PTPRD: variants seen among roughly 807,000 people sequenced by gnomAD.
PTPRD encodes the protein protein tyrosine phosphatase receptor type D.
Under a neutral mutation model 214.5 loss-of-function variants are expected in PTPRD, and 34 were observed. That is an observed-to-expected ratio of 0.16 (90% CI 0.12 to 0.21). The LOEUF is 0.21. Among genes scored for constraint, PTPRD ranks in the 10% least tolerant of loss-of-function variants. The pLI is 1.00. For missense variants in PTPRD, 2,545 were observed against 2,398.7 expected, an observed-to-expected ratio of 1.06 and a Z score of -1.27; for synonymous variants, 1,128 against 845.7, an observed-to-expected ratio of 1.33 and a Z score of -5.79.
chr9:8,868,894 G>C (rs1026405808), intron 11 of PTPRD, among the ~76,000 whole-genome samples: 1 of 152,170 alleles, frequency 6.6e-6, no homozygotes. Flanking sequence ...TTCTAAGAAT[G>C]TGGGCTATGA....
At chr9:8,595,623 C>G (rs2094438174) in intron 14 of PTPRD, among the ~76,000 whole-genome samples, 3 of 152,098 alleles carry the variant, frequency 2.0e-5, no homozygotes. Context: ...ACTCTTTGTG[C>G]TTAGAAAGTT....
At chr9:9,884,242 A>G (rs980040698) in intron 5 of PTPRD, among the ~76,000 whole-genome samples, 1 of 152,124 alleles carries the variant, frequency 6.6e-6, no homozygotes, top group Non-Finnish European at 1.5e-5. Context: ...GAAGAATGGA[A>G]TGAGGGATAA....
At position 8,917,429 on chromosome 9, in the gene PTPRD, G is replaced by C. The variant is rs144156606; in HGVS notation, c.-104+101268C>G. Among the ~76,000 whole-genome samples the C allele has an allele frequency of 4.2e-3, 645 of 151,814 alleles. 7 individuals are homozygous for C. The highest frequency in any genetic ancestry group is 0.015 in the African/African-American group (618 of 41,414). On this transcript the variant is annotated intron_variant, in intron 11 of 45. Coordinates refer to ENST00000381196, the MANE Select transcript of PTPRD (RefSeq NM_002839.4). ...TGGGATTACAAGTGTGAGCCACCGC[G>C]CCCGGCCTACATAACAGATTGTTTC...
At chr9:8,368,676 CTTTT>C (rs199556434) in intron 39 of PTPRD, among the ~76,000 whole-genome samples, 9,390 of 117,274 alleles carry the variant, frequency 0.08, 364 homozygotes, top group Middle Eastern at 0.13. Context: ...CCTTTTAATG[CTTTT>C]TTTTTTTTTT....
At chr9:9,954,755 T>C (rs1363758326) in intron 4 of PTPRD, among the ~76,000 whole-genome samples, 1 of 152,142 alleles carries the variant, frequency 6.6e-6, no homozygotes, top group Non-Finnish European at 1.5e-5. Context: ...CAATGTTATT[T>C]GTGTATAGAA....
chr9:10,120,008 G>A (rs552681057), intron 3 of PTPRD, among the ~76,000 whole-genome samples: 113 of 152,074 alleles, frequency 7.4e-4, no homozygotes, highest in African/African-American at 2.3e-3. Context: ...GGAAATCTCA[G>A]GATAGTGATA....
intron 8 of PTPRD, among the ~76,000 whole-genome samples, chr9:9,537,748 T>C (rs570955220): frequency 1.7e-4 from 26 of 152,032 alleles, no homozygotes; most frequent in African/African-American, 6.0e-4. Flanking sequence ...ATTCTGCAGC[T>C]TAAAAGTAAC....
intron 2 of PTPRD, among the ~76,000 whole-genome samples, chr9:10,549,685 A>C (rs929730194): frequency 6.6e-6 from 1 of 152,150 alleles, no homozygotes; most frequent in African/African-American, 2.4e-5. Context: ...TTCTAGTCTG[A>C]GAGTATAAAT....
intron 14 of PTPRD, among the ~76,000 whole-genome samples, chr9:8,583,751 C>T (rs1374520764): frequency 6.6e-6 from 1 of 152,198 alleles, no homozygotes; most frequent in African/African-American, 2.4e-5. Flanking sequence ...TAGACTTCAA[C>T]TGCAATGTTT....
intron 8 of PTPRD, among the ~76,000 whole-genome samples, chr9:9,464,878 C>G (rs943630567): frequency 6.6e-6 from 1 of 152,114 alleles, no homozygotes; most frequent in African/African-American, 2.4e-5. Flanking sequence ...TAGGCTTAAC[C>G]TTATGGGATG....
intron 3 of PTPRD, among the ~76,000 whole-genome samples, chr9:10,138,697 T>C (rs1424189533): frequency 3.9e-5 from 6 of 152,112 alleles, no homozygotes; most frequent in African/African-American, 1.4e-4. Flanking sequence ...AAAAAGTTAG[T>C]TCACAATGAC....
chr9:9,662,082 A>G (rs2096632499), intron 7 of PTPRD, among the ~76,000 whole-genome samples: 1 of 151,790 alleles, frequency 6.6e-6, no homozygotes, highest in Non-Finnish European at 1.5e-5. Flanking sequence ...TTCAAATACT[A>G]TATGAGAAAT....
chr9:9,287,191 C>T (rs1272706732), intron 9 of PTPRD, among the ~76,000 whole-genome samples: 2 of 151,374 alleles, frequency 1.3e-5, no homozygotes, highest in African/African-American at 4.8e-5. Flanking sequence ...CATCACTGCA[C>T]TCCAACCTGG....
At chr9:9,294,074 G>A (rs1297760338) in intron 9 of PTPRD, among the ~76,000 whole-genome samples, 1 of 151,618 alleles carries the variant, frequency 6.6e-6, no homozygotes, top group African/African-American at 2.4e-5. Flanking sequence ...AGGCTGTTAA[G>A]TGACTAATTG....
At chr9:8,339,105 TTATCTATC>T (rs566811709) in intron 42 of PTPRD, 58 bp from the exon 43 acceptor site, 15 of 1,498,584 alleles carry the variant, frequency 1.0e-5, no homozygotes, top group Middle Eastern at 1.8e-4. Context: ...ATTCTGTATA[TTATCTATC>T]TATCTATCTA....
At chr9:8,800,611 G>A (rs1283142969) in intron 11 of PTPRD, among the ~76,000 whole-genome samples, 2 of 152,150 alleles carry the variant, frequency 1.3e-5, no homozygotes, top group Non-Finnish European at 2.9e-5. Context: ...CTAAAAAGGG[G>A]AAGCATGAAT....
intron 23 of PTPRD, among the ~76,000 whole-genome samples, chr9:8,503,467 A>C (rs2097462477): frequency 6.6e-6 from 1 of 152,188 alleles, no homozygotes; most frequent in African/African-American, 2.4e-5. Flanking sequence ...ATGAACTGTA[A>C]ACACATACTA....
chr9:10,060,533 T>A (rs562197799), intron 3 of PTPRD, among the ~76,000 whole-genome samples: 1 of 152,004 alleles, frequency 6.6e-6, no homozygotes, highest in African/African-American at 2.4e-5. Flanking sequence ...ACTATTGTAA[T>A]CTCATGAACA....
Position 9,481,360 on chromosome 9 carries a change from C to T in PTPRD, c.-236-83878G>A, listed in dbSNP as rs116026664. Among the ~76,000 whole-genome samples the T allele has an allele frequency of 1.0e-2, 1,519 of 152,168 alleles. 32 individuals carry two copies. Among genetic ancestry groups the T allele is most frequent in the African/African-American group, 0.034 (1,422 of 41,526 alleles). Reference sequence around the variant, plus strand: ...CCTTGCTGATCCTTAGTTTTCTCAACATGTAACACAGTGACAGGAACATCA... The same window carrying T: ...CCTTGCTGATCCTTAGTTTTCTCAATATGTAACACAGTGACAGGAACATCA... On this transcript the variant is annotated intron_variant, in intron 8 of 45. Transcript: ENST00000381196.
Sources: allele counts gnomAD v4.1 joint callset (sites outside exome capture counted in the v4.1 genomes callset), GRCh38; gene constraint gnomAD v4.1.1; transcripts MANE v1.5; gene names NCBI Gene and HGNC (gene_info 2026-07-23, HGNC 2026-07-21).